UCKL1: variants seen among roughly 807,000 people sequenced by gnomAD.
The protein encoded by UCKL1 is uridine-cytidine kinase 1 like 1, also known as uridine-cytidine kinase-like 1.
In UCKL1, 65 loss-of-function variants were observed where a neutral mutation model predicts 59.2. That is an observed-to-expected ratio of 1.10 (90% CI 0.90 to 1.35). The LOEUF is 1.35. Among genes scored for constraint, UCKL1 ranks in the 40% most tolerant of loss-of-function variants. UCKL1 has a pLI of 0.00. For missense variants in UCKL1, 703 were observed against 784.3 expected (o/e 0.90, Z 1.24); for synonymous variants, 410 against 323.1 (o/e 1.27, Z -2.88).
intron 1 of UCKL1, chr20:63,954,520 A>C (rs1027397624): frequency 2.6e-5 from 4 of 152,240 alleles, no homozygotes; most frequent in African/African-American, 9.7e-5. Context: ...CCTGCTCTGG[A>C]ACACTAAGGG....
chr20:63,952,381 C>T (rs2057778381), intron 1 of UCKL1, among the ~76,000 whole-genome samples: 1 of 152,220 alleles, frequency 6.6e-6, no homozygotes, highest in African/African-American at 2.4e-5. Context: ...CGGAGGAGCC[C>T]AGGCACGCAG....
chr20:63,950,819 CTGCTCATGGTCGAGGACACGGGTGGG>C, intron 1 of UCKL1: 1 of 1,535,486 alleles, frequency 6.5e-7, no homozygotes. Context: ...AGCTGGGGGG[CTGCTCATGGTCGAGGACACGGGTGGG>C]TGCTCCTGAA....
chr20:63,943,103 C>T (rs974992984), intron 8 of UCKL1, among the ~76,000 whole-genome samples: 1 of 152,246 alleles, frequency 6.6e-6, no homozygotes, highest in Non-Finnish European at 1.5e-5. Context: ...GATGCGGCCC[C>T]GGCCCAGCCC....
rs772217107 is a variant in UCKL1, at chr20:63,940,068, G to T, written c.1568-13C>A. ...TCGCCAAAGTTCCCTGGAAAAAGGG[G>T]GGGGGGGGTCCAGTGTGGTGGGGCC... On this transcript the variant is annotated splice_polypyrimidine_tract_variant and intron_variant, in intron 14 of 14. Transcript: ENST00000354216. The T allele has an allele frequency of 4.7e-6, 7 of 1,505,142 alleles. No homozygotes were observed. Among genetic ancestry groups the T allele is most frequent in the South Asian group, 1.1e-5 (1 of 87,688 alleles). 93.2% of individuals were successfully genotyped at this position (1,505,142 alleles called of 1,614,324 possible).
At chr20:63,942,516 A>C (rs2054864998) in intron 8 of UCKL1, 1 of 1,169,074 alleles carries the variant, frequency 8.6e-7, no homozygotes, top group Non-Finnish European at 1.1e-6. Flanking sequence ...GAGCATGTTC[A>C]GGGAGGGAAC....
chr20:63,942,737 G>A, intron 8 of UCKL1: 1 of 481,348 alleles, frequency 2.1e-6, no homozygotes, highest in Non-Finnish European at 4.3e-6. Context: ...TGGCTGACCA[G>A]ACGACGGAAA....
At chr20:63,941,844 CAG>C (rs946387939) in intron 8 of UCKL1, among the ~76,000 whole-genome samples, 2 of 146,986 alleles carry the variant, frequency 1.4e-5, no homozygotes, top group Non-Finnish European at 3.0e-5. Context: ...AGGGGCATGA[CAG>C]GGGCAGGGAA....
rs2055673469 is a variant in UCKL1, at chr20:63,944,726, G to A, written c.663C>T (p.Asp221=). 1 of 1,612,574 alleles carries A rather than the reference G, an allele frequency of 6.2e-7. No individual in the cohort carries two copies. The highest frequency in any genetic ancestry group is 8.5e-7 in the Non-Finnish European group (1 of 1,179,942). The change falls in exon 6 of 15, where the codon GAC becomes GAT. Residue 221 remains aspartate (D), a synonymous_variant. Transcript: ENST00000354216. ...FADKTLLELL[D]MKIFVDTDSD... ...AGTCTGTGTCCACAAAGATCTTCAT[G>A]TCCAGGAGCTGGTGGAGACAGCGGG...
intron 7 of UCKL1, among the ~76,000 whole-genome samples, 197 bp from the exon 8 acceptor site, chr20:63,943,866 T>C (rs547755024): frequency 6.6e-6 from 1 of 152,240 alleles, no homozygotes; most frequent in African/African-American, 2.4e-5. Flanking sequence ...GTTGGGGCAA[T>C]CAGAGCCAGG....
chr20:63,951,117 C>T, intron 1 of UCKL1: 1 of 1,127,674 alleles, frequency 8.9e-7, no homozygotes, highest in Non-Finnish European at 1.1e-6. Flanking sequence ...CTTGAAGCCT[C>T]CACCGTACTG....
At position 63,940,867 on chromosome 20, in the gene UCKL1, C is replaced by A; in HGVS notation, c.1117-11G>T. 1 of 1,532,636 alleles carries A rather than the reference C, an allele frequency of 6.5e-7. No homozygotes were observed. The highest frequency in any genetic ancestry group is 1.3e-5 in the South Asian group (1 of 79,364). 94.9% of individuals were successfully genotyped at this position (1,532,636 alleles called of 1,614,324 possible). Reference sequence around the variant, plus strand: ...CTGTACGACGCAGTCCTGTGGGGTGCAGGGTGAGGACTCCGGTGAGCGCAG... The same window carrying A: ...CTGTACGACGCAGTCCTGTGGGGTGAAGGGTGAGGACTCCGGTGAGCGCAG... On this transcript the variant is annotated splice_polypyrimidine_tract_variant and intron_variant, in intron 10 of 14. Transcript: ENST00000354216.
intron 1 of UCKL1, among the ~76,000 whole-genome samples, chr20:63,949,314 C>T (rs1008781397): frequency 6.6e-6 from 1 of 152,200 alleles, no homozygotes; most frequent in African/African-American, 2.4e-5. Flanking sequence ...CACCACTGCA[C>T]GGTGCCCTGA....
chr20:63,945,628 G>A (rs2055969091), intron 5 of UCKL1, 23 bp downstream of exon 5: 2 of 1,611,270 alleles, frequency 1.2e-6, no homozygotes, highest in South Asian at 1.1e-5. Flanking sequence ...CCAGCGGGGT[G>A]GGTATTCCCG....
At chr20:63,950,300 C>T (rs1223981744) in intron 1 of UCKL1, among the ~76,000 whole-genome samples, 5 of 152,158 alleles carry the variant, frequency 3.3e-5, no homozygotes, top group Non-Finnish European at 5.9e-5. Flanking sequence ...GAAAGTTGGC[C>T]GGGTGTGGTG....
chr20:63,952,284 A>T (rs1411187398), intron 1 of UCKL1, among the ~76,000 whole-genome samples: 3 of 152,202 alleles, frequency 2.0e-5, no homozygotes, highest in Non-Finnish European at 4.4e-5. Context: ...CTTGCCTGGC[A>T]TGGGCATGCA....
Position 63,946,693 on chromosome 20 carries a change from G to A in UCKL1, c.114-50C>T, listed in dbSNP as rs746715700. 6 of 1,568,740 alleles carry A rather than the reference G, an allele frequency of 3.8e-6. No homozygotes were observed. In the African/African-American group the frequency reaches 6.9e-5, roughly 18 times the overall value. On this transcript the variant is annotated intron_variant, in intron 1 of 14. Coordinates refer to ENST00000354216, the MANE Select transcript of UCKL1 (RefSeq NM_017859.4). ...GTGGCCCAGAGCTGCCCACCTCCCAGGTACCCGCTGGCATGGCCGGCCCAC... is the reference window on the plus strand; with the variant it reads ...GTGGCCCAGAGCTGCCCACCTCCCAAGTACCCGCTGGCATGGCCGGCCCAC...
chr20:63,941,519 G>A, intron 8 of UCKL1: 1 of 406,570 alleles, frequency 2.5e-6, no homozygotes, highest in South Asian at 2.6e-5. Flanking sequence ...AGCAGAAGTG[G>A]GCCGGGCACA....
chr20:63,940,786 G>A lies in UCKL1; in HGVS notation c.1179+8C>T, dbSNP rs1418829156. 3 of 1,593,754 alleles carry A rather than the reference G, an allele frequency of 1.9e-6. No homozygotes were observed. The highest frequency in any genetic ancestry group is 1.1e-5 in the South Asian group (1 of 88,902). On this transcript the variant is annotated splice_region_variant and intron_variant, in intron 11 of 14. Transcript: ENST00000354216. ...CTGTCCCGCGCCCAGGTGTGCCCAG[G>A]CAGGTACCTGCTTCCCCGCATAGCA...
chr20:63,946,571 G>A lies in UCKL1; in HGVS notation c.186C>T (p.Thr62=). 6.2e-7 allele frequency: 1 copy of A among 1,611,808 alleles called. No individual in the cohort carries two copies. Among genetic ancestry groups the A allele is most frequent in the Non-Finnish European group, 8.5e-7 (1 of 1,179,736 alleles). The change falls in exon 2 of 15, where the codon ACC becomes ACT. Residue 62 remains threonine (T), a synonymous_variant. Coordinates refer to ENST00000354216, the MANE Select transcript of UCKL1 (RefSeq NM_017859.4). ...GGGGAGGCTCTGACTTGCACTGGCT[G>A]GTGGTCCGCTTCCGGGGAGAGCGCC... ...GTGRSPRKRT[T]SQCKSEPPLL... is the part of the protein sequence containing the mutation.
Sources: gnomAD v4.1 joint callset for allele counts (sites outside exome capture counted in the v4.1 genomes callset) on GRCh38, gnomAD v4.1.1 for gene constraint, MANE v1.5 for transcripts, NCBI Gene and HGNC (gene_info 2026-07-23, HGNC 2026-07-21) for gene names.